Variants in NOX5 observed in about 807,000 individuals in gnomAD.
NOX5 encodes NADPH oxidase, EF-hand calcium binding domain 5.
In NOX5, 76 loss-of-function variants were observed where a neutral mutation model predicts 85.7. That is an observed-to-expected ratio of 0.89 (90% confidence interval 0.74 to 1.07). The LOEUF is 1.07. Among genes scored for constraint, NOX5 ranks in the 50% least tolerant of loss-of-function variants. The pLI, the probability that NOX5 is intolerant of heterozygous loss-of-function variation, is 0.00. For missense variants in NOX5, 973 were observed against 999.5 expected (o/e 0.97, Z 0.36); for synonymous variants, 405 against 401.4 (o/e 1.01, Z -0.11).
At chr15:69,037,525 T>C (rs912464162) in intron 8 of NOX5, 1 of 327,776 alleles carries the variant, frequency 3.1e-6, no homozygotes, top group Non-Finnish European at 5.7e-6. Context: ...TACAGAGAAA[T>C]AGAGAAGGTT....
chr15:69,052,901 G>A (rs2050767239), intron 14 of NOX5, among the ~76,000 whole-genome samples: 2 of 152,308 alleles, frequency 1.3e-5, no homozygotes, highest in South Asian at 2.1e-4. Flanking sequence ...TAAAGGAAAA[G>A]TTTAAATTTA....
chr15:69,028,216 C>A lies in NOX5; in HGVS notation c.176C>A (p.Ser59Tyr). 6.3e-7 allele frequency: 1 copy of A among 1,599,874 alleles called. No homozygotes were observed. Among genetic ancestry groups the A allele is most frequent in the Non-Finnish European group, 8.5e-7 (1 of 1,173,194 alleles). Residue 59 changes from serine to tyrosine, a missense_variant and splice_region_variant, in exon 3 of 16, where the codon TCC (serine) becomes TAC (tyrosine). By Grantham distance (144) the Ser-to-Tyr change is moderately radical (BLOSUM62 -2). Coordinates refer to ENST00000388866, the MANE Select transcript of NOX5 (RefSeq NM_024505.4). ...GTCTTCCACCCTTCTCGCCCACAGT[C>A]CTTCTTTGCAGAGCGATTCTTTGCC... The part of the protein sequence containing the change: ...EFKAALHVKE[S>Y]FFAERFFALF...
intron 10 of NOX5, chr15:69,046,141 A>T (rs2050670943): frequency 6.6e-6 from 1 of 152,324 alleles, no homozygotes; most frequent in African/African-American, 2.4e-5. Flanking sequence ...AAGGAAAGGC[A>T]TTGACTTGGA....
At chr15:69,048,297 C>T (rs1413814451) in intron 13 of NOX5, among the ~76,000 whole-genome samples, 36 of 152,168 alleles carry the variant, frequency 2.4e-4, no homozygotes, top group Admixed American at 2.4e-3. Context: ...CTTTGGGAGG[C>T]CAAGGCAGGC....
In NOX5 at chr15:69,061,126, C is replaced by T. The variant is rs1193824079; in HGVS notation, c.*4430C>T. The T allele has an allele frequency of 6.6e-6, 1 of 152,214 alleles. No homozygotes were observed. Among genetic ancestry groups the T allele is most frequent in the Non-Finnish European group, 1.5e-5 (1 of 68,040 alleles). 9.4% of individuals were successfully genotyped at this position (152,214 alleles called of 1,614,324 possible). On this transcript the variant is annotated 3_prime_UTR_variant, in exon 16 of 16. Coordinates refer to ENST00000388866, the MANE Select transcript of NOX5 (RefSeq NM_024505.4). The stretch of plus-strand genomic sequence containing the variant: ...TTTTAATTTATGTACTTTTGTATGG[C>T]TTGTATCTATTTTTTAAGAGTAAAA...
rs545612037 is a variant in NOX5 at position 69,054,055 on chromosome 15, A to C, written c.2000-1279A>C. Among the ~76,000 whole-genome samples, 3 of 152,284 alleles carry C rather than the reference A, an allele frequency of 2.0e-5. No homozygotes were observed. The South Asian group carries it at 6.2e-4, about 32-fold the overall frequency. On this transcript the variant is annotated intron_variant, in intron 14 of 15. Coordinates refer to ENST00000388866, the MANE Select transcript of NOX5 (RefSeq NM_024505.4). ...GGCAAAGCTCCTTTAGTCTGGGTGTAGAGGAAGAGAGGGAGAGGAGAAGGA... is the reference window on the plus strand; with the variant it reads ...GGCAAAGCTCCTTTAGTCTGGGTGTCGAGGAAGAGAGGGAGAGGAGAAGGA...
chr15:69,058,164 A>G lies in NOX5; in HGVS notation c.*1468A>G, dbSNP rs2140287156. On this transcript the variant is annotated 3_prime_UTR_variant, in exon 16 of 16. Coordinates refer to ENST00000388866, the MANE Select transcript of NOX5 (RefSeq NM_024505.4). ...TGGGGTTGGAACCAGGCACTTTCCAATGGGATTGTAGCTGGCACCTTTCTT... is the reference window on the plus strand; with the variant it reads ...TGGGGTTGGAACCAGGCACTTTCCAGTGGGATTGTAGCTGGCACCTTTCTT... 6.6e-6 allele frequency: 1 copy of G among 152,448 alleles called. No homozygotes were observed. The highest frequency in any genetic ancestry group is 2.1e-4 in the South Asian group (1 of 4,826). 9.4% of individuals were successfully genotyped at this position (152,448 alleles called of 1,614,324 possible). A position where few individuals can be genotyped will look rare whatever the true frequency, so the allele number is the denominator to read the frequency against.
chr15:69,037,257 G>A (rs1159332602), intron 8 of NOX5, 47 bp downstream of exon 8: 2 of 1,559,084 alleles, frequency 1.3e-6, no homozygotes, highest in Non-Finnish European at 1.7e-6. Context: ...TCACCCCAAG[G>A]GACAGTTTGT....
chr15:69,055,118 G>A (rs76604721), intron 14 of NOX5, among the ~76,000 whole-genome samples: 1 of 152,302 alleles, frequency 6.6e-6, no homozygotes, highest in African/African-American at 2.4e-5. Context: ...TCACCTTAGT[G>A]CATATAAAGT....
At chr15:69,053,834 G>A (rs1503893) in intron 14 of NOX5, among the ~76,000 whole-genome samples, 9,418 of 152,048 alleles carry the variant, frequency 0.062, 477 homozygotes, top group East Asian at 0.22. Flanking sequence ...GAAGCAGGGG[G>A]TCCCCCAGGT....
At chr15:69,033,909 G>A (rs1178914516) in intron 5 of NOX5, among the ~76,000 whole-genome samples, 2 of 151,958 alleles carry the variant, frequency 1.3e-5, no homozygotes, top group Non-Finnish European at 2.9e-5. Flanking sequence ...GGCCAGGCTG[G>A]TCTCGAACTC....
chr15:69,031,423 T>A lies in NOX5; in HGVS notation c.326-95T>A, dbSNP rs567527531. ...AAGGTTTCTGAGCTGAGGGTGACAT[T>A]TGGTCCTTCAGTTGCATGGTCTATA... On this transcript the variant is annotated intron_variant, in intron 3 of 15. Transcript: ENST00000388866. 1.4e-4 allele frequency: 192 copies of A among 1,369,370 alleles called. 2 individuals carry two copies. In the South Asian group the frequency reaches 2.6e-3, roughly 18 times the overall value. 84.8% of individuals were successfully genotyped at this position (1,369,370 alleles called of 1,614,324 possible).
At chr15:69,019,876 T>A (rs1346507063) in intron 1 of NOX5, among the ~76,000 whole-genome samples, 1 of 152,242 alleles carries the variant, frequency 6.6e-6, no homozygotes, top group African/African-American at 2.4e-5. Flanking sequence ...ATATTGGATA[T>A]TACCAATCTT....
intron 2 of NOX5, among the ~76,000 whole-genome samples, chr15:69,027,133 C>T (rs921605954): frequency 1.3e-5 from 2 of 152,094 alleles, no homozygotes; most frequent in Admixed American, 1.3e-4. Flanking sequence ...CCTAGCTGTC[C>T]TTGGGACTGG....
chr15:69,018,102 AC>A (rs1357871777), intron 1 of NOX5, among the ~76,000 whole-genome samples: 1 of 151,952 alleles, frequency 6.6e-6, no homozygotes, highest in African/African-American at 2.4e-5. Context: ...CGGTCCATGG[AC>A]CGGACCGCAC....
intron 3 of NOX5, chr15:69,030,861 G>C (rs1020013581): frequency 2.0e-5 from 3 of 152,188 alleles, no homozygotes; most frequent in Admixed American, 1.3e-4. Flanking sequence ...GCAAAGTGAG[G>C]TCCACTACCC....
chr15:69,014,823 C>G (rs1179572867), intron 1 of NOX5, 38 bp downstream of exon 1: 1 of 1,419,422 alleles, frequency 7.0e-7, no homozygotes, highest in South Asian at 1.2e-5. Context: ...ATGCCAGGGA[C>G]AAGGGAAAGG....
Position 69,042,765 on chromosome 15 carries a change from C to G in NOX5, c.1607C>G (p.Ser536Trp). The G allele has an allele frequency of 1.9e-6, 3 of 1,614,066 alleles. No homozygotes were observed. Among genetic ancestry groups the G allele is most frequent in the Non-Finnish European group, 2.5e-6 (3 of 1,180,014 alleles). Residue 536 changes from serine to tryptophan, a missense_variant, in exon 10 of 16, where the codon TCG (serine) becomes TGG (tryptophan). Ser to Trp is a radical substitution (Grantham distance 177). Transcript: ENST00000388866. ...DPLGRGSKRL[S>W]RSVTMRKSQR... ...CTGGGCCGTGGTTCTAAGAGGCTGT[C>G]GAGGAGTGTGACAATGAGAAAGAGT...
At chr15:69,026,748 G>A in intron 2 of NOX5, 97 bp downstream of exon 2, 1 of 1,516,304 alleles carries the variant, frequency 6.6e-7, no homozygotes, top group Non-Finnish European at 9.0e-7. Context: ...AACTCCCTGG[G>A]GTTCCTGAGG....
Sources: gnomAD v4.1 joint callset for allele counts (sites outside exome capture counted in the v4.1 genomes callset) on GRCh38, gnomAD v4.1.1 for gene constraint, MANE v1.5 for transcripts, NCBI Gene and HGNC (gene_info 2026-07-23, HGNC 2026-07-21) for gene names.